The following MAF variants were observed in gnomAD, a reference collection of about 807,000 sequenced individuals.
The protein encoded by MAF is transcription factor Maf.
MAF carries 10 observed loss-of-function variants against 22.0 expected under a neutral mutation model. The ratio of observed to expected loss-of-function variants is 0.45; its 90% CI spans 0.28 to 0.77. MAF has a LOEUF of 0.77. MAF is among the 30% of genes least tolerant of loss of function. MAF has a pLI of 0.12. For synonymous variants in MAF, 337 were observed against 255.8 expected (o/e 1.32, Z -3.03); for missense variants, 544 against 548.4 (o/e 0.99, Z 0.08).
chr16:79,411,067 G>C, the MAF span, among the ~76,000 whole-genome samples: 1 of 152,112 alleles, frequency 6.6e-6, no homozygotes, highest in Admixed American at 6.6e-5. Flanking sequence ...CTTCTGCAGA[G>C]ACTTCCTTTG....
the MAF span, among the ~76,000 whole-genome samples, chr16:79,256,179 G>A: frequency 4.4e-3 from 671 of 151,026 alleles, 1 homozygote; most frequent in Non-Finnish European, 6.6e-3. Flanking sequence ...TAGTAGAGAC[G>A]GGATTTCACC....
chr16:79,585,610 C>G (rs767227883), downstream of MAF, among the ~76,000 whole-genome samples: 3 of 152,154 alleles, frequency 2.0e-5, no homozygotes, highest in Non-Finnish European at 4.4e-5. Flanking sequence ...TGACATAACA[C>G]ATGGATATAA....
chr16:79,371,004 T>A, the MAF span, among the ~76,000 whole-genome samples: 1 of 152,202 alleles, frequency 6.6e-6, no homozygotes, highest in Non-Finnish European at 1.5e-5. Context: ...TCTCAATTAG[T>A]GGATAAAGAA....
chr16:79,259,101 C>T, the MAF span, among the ~76,000 whole-genome samples: 1 of 152,188 alleles, frequency 6.6e-6, no homozygotes, highest in South Asian at 2.1e-4. Flanking sequence ...GCTTGTAGCA[C>T]TTCGTGTAAA....
chr16:79,208,439 G>C, the MAF span, among the ~76,000 whole-genome samples: 11 of 152,064 alleles, frequency 7.2e-5, no homozygotes, highest in African/African-American at 2.7e-4. Flanking sequence ...GTATGTCAAG[G>C]TATTATTATT....
At chr16:79,312,530 T>A in the MAF span, among the ~76,000 whole-genome samples, 14 of 152,228 alleles carry the variant, frequency 9.2e-5, no homozygotes, top group African/African-American at 3.4e-4. Flanking sequence ...AAAACAGTTG[T>A]TTGCTCTTTT....
the MAF span, among the ~76,000 whole-genome samples, chr16:79,221,744 C>T: frequency 1.3e-5 from 2 of 149,804 alleles, no homozygotes; most frequent in South Asian, 2.1e-4. Context: ...TGTACGTATA[C>T]GTGATTGTGT....
At chr16:79,445,280 T>C in the MAF span, among the ~76,000 whole-genome samples, 1 of 152,142 alleles carries the variant, frequency 6.6e-6, no homozygotes, top group South Asian at 2.1e-4. Context: ...CCTGACCTCG[T>C]GATCTGCCCG....
At chr16:79,484,293 C>T in the MAF span, among the ~76,000 whole-genome samples, 1 of 152,182 alleles carries the variant, frequency 6.6e-6, no homozygotes, top group Non-Finnish European at 1.5e-5. Context: ...CGTGACAAGG[C>T]TGGTGTGACA....
the MAF span, among the ~76,000 whole-genome samples, chr16:79,332,571 T>C: frequency 6.6e-6 from 1 of 152,256 alleles, no homozygotes; most frequent in Admixed American, 6.5e-5. Context: ...AGTACTGAGA[T>C]TACTGGCATG....
At chr16:79,397,329 C>T in the MAF span, among the ~76,000 whole-genome samples, 1 of 152,140 alleles carries the variant, frequency 6.6e-6, no homozygotes, top group Non-Finnish European at 1.5e-5. Flanking sequence ...CAGATTAATG[C>T]TGCTTTGTTC....
chr16:79,394,979 G>C, the MAF span, among the ~76,000 whole-genome samples: 2 of 152,204 alleles, frequency 1.3e-5, no homozygotes, highest in Admixed American at 1.3e-4. Flanking sequence ...ATATAGCACA[G>C]AGCTTAATAC....
At chr16:79,477,511 A>C in the MAF span, among the ~76,000 whole-genome samples, 1 of 152,156 alleles carries the variant, frequency 6.6e-6, no homozygotes, top group South Asian at 2.1e-4. Flanking sequence ...ACAGTAGGAG[A>C]GGAACTAAGT....
the MAF span, among the ~76,000 whole-genome samples, chr16:79,257,503 A>C: frequency 2.0e-5 from 3 of 152,170 alleles, no homozygotes; most frequent in Admixed American, 2.0e-4. Flanking sequence ...TTTTAAAGTA[A>C]ATTCTCACCC....
the MAF span, among the ~76,000 whole-genome samples, chr16:79,222,899 G>C: frequency 1.3e-5 from 2 of 152,268 alleles, no homozygotes; most frequent in East Asian, 1.9e-4. Flanking sequence ...AAGAAACTTA[G>C]ACTACCACAC....
chr16:79,358,260 G>A, the MAF span, among the ~76,000 whole-genome samples: 1 of 152,146 alleles, frequency 6.6e-6, no homozygotes, highest in Non-Finnish European at 1.5e-5. Context: ...GGGGCTGGGG[G>A]GTCCTGGTCG....
At chr16:79,499,665 C>G in the MAF span, among the ~76,000 whole-genome samples, 1 of 152,132 alleles carries the variant, frequency 6.6e-6, no homozygotes, top group Non-Finnish European at 1.5e-5. Flanking sequence ...AGGCACCATC[C>G]ACGAACTAGG....
the MAF span, among the ~76,000 whole-genome samples, chr16:79,552,887 T>G: frequency 7.9e-5 from 12 of 152,200 alleles, no homozygotes; most frequent in African/African-American, 2.9e-4. Flanking sequence ...GCCATTGCAA[T>G]CCCAATCTAC....
At chr16:79,501,492 A>G in the MAF span, among the ~76,000 whole-genome samples, 22 of 152,322 alleles carry the variant, frequency 1.4e-4, no homozygotes, top group African/African-American at 5.3e-4. Context: ...TTGGCAGTTA[A>G]TCTAGCAGAA....
Sources: allele counts gnomAD v4.1 joint callset (sites outside exome capture counted in the v4.1 genomes callset), GRCh38; gene constraint gnomAD v4.1.1; transcripts MANE v1.5; gene names NCBI Gene and HGNC (gene_info 2026-07-23, HGNC 2026-07-21).